Variants in ARHGAP17 observed in about 807,000 individuals in gnomAD.
ARHGAP17 encodes the protein rho GTPase-activating protein 17.
Under a neutral mutation model 99.5 loss-of-function variants are expected in ARHGAP17, and 57 were observed. The ratio of observed to expected loss-of-function variants is 0.57; its 90% CI spans 0.46 to 0.71. The LOEUF is 0.71. Among genes scored for constraint, ARHGAP17 ranks in the 30% least tolerant of loss-of-function variants. The pLI is 0.00. For synonymous variants in ARHGAP17, 417 were observed against 429.6 expected (o/e 0.97, Z 0.36); for missense variants, 1,000 against 1,122.4 (o/e 0.89, Z 1.56).
chr16:25,012,363 G>A (rs899052748), intron 1 of ARHGAP17, among the ~76,000 whole-genome samples: 3 of 152,158 alleles, frequency 2.0e-5, no homozygotes, highest in East Asian at 3.8e-4. Context: ...GAACCTTACA[G>A]TGAAAGTACT....
chr16:24,931,434 G>C, intron 18 of ARHGAP17, 30 bp from the exon 19 acceptor site: 2 of 1,496,448 alleles, frequency 1.3e-6, no homozygotes, highest in Non-Finnish European at 8.9e-7. Context: ...ACACCTTTCA[G>C]TAGGAACAGT....
intron 1 of ARHGAP17, among the ~76,000 whole-genome samples, chr16:24,987,923 G>A (rs1294569375): frequency 1.3e-5 from 2 of 152,224 alleles, no homozygotes; most frequent in Admixed American, 1.3e-4. Flanking sequence ...AATATTGTAT[G>A]TAGGGTAACA....
At position 24,941,869 on chromosome 16, in the gene ARHGAP17, C is replaced by T. The variant is rs1206648452; in HGVS notation, c.1490+118G>A. Reference sequence around the variant, plus strand: ...AGAATTCCAGAAACTATCTGGACACCATCAGTCATGGGTGGATGGCGACCA... The same window carrying T: ...AGAATTCCAGAAACTATCTGGACACTATCAGTCATGGGTGGATGGCGACCA... On this transcript the variant is annotated intron_variant, in intron 16 of 19. Transcript: ENST00000289968. 2.2e-6 allele frequency: 3 copies of T among 1,377,058 alleles called. No individual in the cohort carries two copies. The African/African-American group carries it at 4.3e-5, about 20-fold the overall frequency. The allele number at this position is 1,377,058 out of a possible 1,614,324, so 85.3% of individuals were successfully genotyped here.
chr16:25,014,964 G>A (rs2053744218), intron 1 of ARHGAP17, among the ~76,000 whole-genome samples: 1 of 152,118 alleles, frequency 6.6e-6, no homozygotes, highest in Non-Finnish European at 1.5e-5. Flanking sequence ...GTGTGGCGGA[G>A]GAGGCGGCGG....
chr16:24,930,667 T>C lies in ARHGAP17; in HGVS notation c.2515+117A>G, dbSNP rs78734762. On this transcript the variant is annotated intron_variant, in intron 19 of 19. Coordinates refer to ENST00000289968, the MANE Select transcript of ARHGAP17 (RefSeq NM_001006634.3). Reference sequence around the variant, plus strand: ...AAACTGGCTGCAGGACAGGTTTGGTTTGGCTTGCGGGTGTAGTTTGCTGAC... The same window carrying C: ...AAACTGGCTGCAGGACAGGTTTGGTCTGGCTTGCGGGTGTAGTTTGCTGAC... 1.9e-6 allele frequency: 3 copies of C among 1,576,654 alleles called. No individual in the cohort carries two copies. The South Asian group carries it at 3.3e-5, about 18-fold the overall frequency.
intron 9 of ARHGAP17, among the ~76,000 whole-genome samples, chr16:24,958,805 C>T (rs1020098497): frequency 6.6e-6 from 1 of 152,186 alleles, no homozygotes; most frequent in African/African-American, 2.4e-5. Context: ...AAAGTCATCC[C>T]ACTCAGCACC....
In ARHGAP17 at chr16:24,931,207, G is replaced by A; in HGVS notation, c.2092C>T (p.Pro698Ser). The A allele has an allele frequency of 6.3e-7, 1 of 1,574,866 alleles. No homozygotes were observed. Among genetic ancestry groups the A allele is most frequent in the Non-Finnish European group, 8.6e-7 (1 of 1,160,684 alleles). ...GACAAGCTGCTGGAGTACCTCCGGG[G>A]TGCTGAGAGCTGGGAGGGGGCGGAG... The part of the protein sequence containing the change: ...QPSAPSQLSA[P>S]RRYSSSLSPI... The change falls in exon 19 of 20, where the codon CCC becomes TCC. Residue 698 changes from proline to serine, a missense_variant. By Grantham distance (74) the Pro-to-Ser change is moderately conservative (BLOSUM62 -1). Transcript: ENST00000289968.
intron 18 of ARHGAP17, among the ~76,000 whole-genome samples, chr16:24,932,331 A>G (rs1213037268): frequency 6.6e-6 from 1 of 152,226 alleles, no homozygotes; most frequent in Non-Finnish European, 1.5e-5. Flanking sequence ...CACATTTGAA[A>G]GGGCTTTAAA....
intron 19 of ARHGAP17, among the ~76,000 whole-genome samples, chr16:24,930,000 C>T (rs531744504): frequency 2.0e-5 from 3 of 152,172 alleles, no homozygotes; most frequent in Non-Finnish European, 4.4e-5. Context: ...TTTAAAAACA[C>T]ACTAGAAACC....
chr16:25,002,079 T>TAA (rs758109158), intron 1 of ARHGAP17, among the ~76,000 whole-genome samples: 2 of 129,838 alleles, frequency 1.5e-5, no homozygotes, highest in African/African-American at 5.8e-5. Flanking sequence ...AGACTCCATC[T>TAA]AAAAAAAAAA....
intron 18 of ARHGAP17, among the ~76,000 whole-genome samples, chr16:24,933,003 A>T (rs1012374281): frequency 2.0e-5 from 3 of 152,178 alleles, no homozygotes; most frequent in Non-Finnish European, 1.5e-5. Context: ...TCATAAGCTC[A>T]TTGCAGGGCA....
chr16:24,927,805 G>A, intron 19 of ARHGAP17: 1 of 578,070 alleles, frequency 1.7e-6, no homozygotes. Flanking sequence ...ATAGCAAGAT[G>A]TAAACTCTTT....
chr16:24,965,209 G>A (rs1327092825), intron 6 of ARHGAP17, among the ~76,000 whole-genome samples: 2 of 152,182 alleles, frequency 1.3e-5, no homozygotes, highest in African/African-American at 4.8e-5. Context: ...GTTGGCTCAC[G>A]CCTGTAATCC....
In ARHGAP17 at chr16:24,919,849, A is replaced by G. The variant is rs762945227; in HGVS notation, c.*281T>C. The G allele has an allele frequency of 3.5e-5, 10 of 289,356 alleles. No homozygotes were observed. Among genetic ancestry groups the G allele is most frequent in the Non-Finnish European group, 4.5e-5 (7 of 155,562 alleles). The allele number at this position is 289,356 out of a possible 1,614,324, so 17.9% of individuals were successfully genotyped here. ...GCTTCCTATGCGCGTTTCAGCAGGAATACTCTCTCCACTCCAGGTACTTCT... is the reference window on the plus strand; with the variant it reads ...GCTTCCTATGCGCGTTTCAGCAGGAGTACTCTCTCCACTCCAGGTACTTCT... On this transcript the variant is annotated 3_prime_UTR_variant, in exon 20 of 20. Coordinates refer to ENST00000289968, the MANE Select transcript of ARHGAP17 (RefSeq NM_001006634.3).
chr16:25,010,824 T>G (rs142918689), intron 1 of ARHGAP17, among the ~76,000 whole-genome samples: 37 of 152,328 alleles, frequency 2.4e-4, no homozygotes, highest in Non-Finnish European at 5.1e-4. Flanking sequence ...GGCCTTCACA[T>G]GGCCCAAAGC....
In ARHGAP17 at chr16:24,954,657, C is replaced by T. The variant is rs368686083; in HGVS notation, c.798G>A (p.Ala266=). ...EHLKRSGREI[A]LPIEACVMLL... ...GCATGACACAGGCTTCAATGGGCAG[C>T]GCAATCTCGCGCCCGCTCCTCTTCA... is the stretch of plus-strand genomic sequence containing the variant. The change falls in exon 10 of 20, where the codon GCG becomes GCA. Residue 266 remains alanine (A), a synonymous_variant. Coordinates refer to ENST00000289968, the MANE Select transcript of ARHGAP17 (RefSeq NM_001006634.3). 276 of 1,613,924 alleles carry T rather than the reference C, an allele frequency of 1.7e-4. No individual in the cohort carries two copies. Among genetic ancestry groups the T allele is most frequent in the South Asian group, 2.2e-4 (20 of 91,054 alleles).
intron 13 of ARHGAP17, among the ~76,000 whole-genome samples, chr16:24,948,539 C>T (rs562893233): frequency 5.3e-5 from 8 of 152,208 alleles, no homozygotes; most frequent in African/African-American, 1.9e-4. Context: ...AAGAGCCAAA[C>T]TCTCAACATA....
At chr16:24,942,643 CTG>C (rs71730459) in intron 15 of ARHGAP17, among the ~76,000 whole-genome samples, 4,921 of 151,872 alleles carry the variant, frequency 0.032, 277 homozygotes, top group African/African-American at 0.11. Flanking sequence ...TGATGTATGC[CTG>C]TATTCCCAGC....
chr16:24,992,031 TAAGTC>T (rs1281626440), intron 1 of ARHGAP17, among the ~76,000 whole-genome samples: 2 of 152,168 alleles, frequency 1.3e-5, no homozygotes, highest in Non-Finnish European at 2.9e-5. Context: ...GGACCTCAGA[TAAGTC>T]AGGCATGGGG....
Sources: gnomAD v4.1 joint callset for allele counts (sites outside exome capture counted in the v4.1 genomes callset) on GRCh38, gnomAD v4.1.1 for gene constraint, MANE v1.5 for transcripts, NCBI Gene and HGNC (gene_info 2026-07-23, HGNC 2026-07-21) for gene names.